Variants in CCDC171 observed in about 807,000 individuals in gnomAD.
CCDC171 encodes the protein coiled-coil domain containing 171.
In CCDC171, 177 loss-of-function variants were observed where a neutral mutation model predicts 168.2. That is an observed-to-expected ratio of 1.05 (90% CI 0.93 to 1.19). CCDC171 has a LOEUF of 1.19. Among genes scored for constraint, CCDC171 ranks in the 50% most tolerant of loss-of-function variants. The pLI is 0.00. For missense variants in CCDC171, 1,991 were observed against 1,539.0 expected (o/e 1.29, Z -4.91); for synonymous variants, 687 against 540.8 (o/e 1.27, Z -3.75).
At position 15,723,549 on chromosome 9, in the gene CCDC171, T is replaced by A. The variant is rs10810436; in HGVS notation, c.1426-132T>A. The A allele has an allele frequency of 9.9e-5, 63 of 638,628 alleles. 1 individual carries two copies. The South Asian group carries it at 1.2e-3, about 12-fold the overall frequency. The allele number at this position is 638,628 out of a possible 1,614,324, so 39.6% of individuals were successfully genotyped here. On this transcript the variant is annotated intron_variant, in intron 12 of 25. Transcript: ENST00000380701. ...ATTTTTTAAAGACTCTTAATTACTA[T>A]TGAAAAATTTGTATTTAAGTAATTG...
chr9:16,035,056 C>T (rs1016464038), intron 6 of CCDC171, among the ~76,000 whole-genome samples: 22 of 152,130 alleles, frequency 1.4e-4, no homozygotes, highest in African/African-American at 3.9e-4. Context: ...AGGGCTGAAT[C>T]GAATAAATTA....
intron 7 of CCDC171, among the ~76,000 whole-genome samples, chr9:15,629,187 CTT>C (rs931468095): frequency 8.5e-5 from 13 of 152,136 alleles, no homozygotes; most frequent in Non-Finnish European, 1.5e-4. Context: ...TGGAGAATGA[CTT>C]TGACGAGTTG....
intron 6 of CCDC171, among the ~76,000 whole-genome samples, chr9:16,027,603 A>G (rs1350568706): frequency 6.6e-6 from 1 of 152,226 alleles, no homozygotes; most frequent in Non-Finnish European, 1.5e-5. Flanking sequence ...TTGAGTTTTC[A>G]GGACTGAGTA....
At chr9:15,605,020 T>C (rs2043119295) in intron 6 of CCDC171, among the ~76,000 whole-genome samples, 2 of 152,236 alleles carry the variant, frequency 1.3e-5, no homozygotes, top group South Asian at 4.2e-4. Flanking sequence ...CTCAGCCTCC[T>C]TTGTATCTGG....
chr9:15,676,138 G>T (rs1472743178), intron 9 of CCDC171, among the ~76,000 whole-genome samples: 1 of 151,962 alleles, frequency 6.6e-6, no homozygotes, highest in Non-Finnish European at 1.5e-5. Context: ...TTCAGTCACT[G>T]ATATCCTTTC....
chr9:15,814,538 TAA>T (rs1392988696), intron 21 of CCDC171, among the ~76,000 whole-genome samples: 1 of 152,196 alleles, frequency 6.6e-6, no homozygotes, highest in Non-Finnish European at 1.5e-5. Flanking sequence ...CTCTGCTTAC[TAA>T]GTTTGAGATT....
intron 4 of CCDC171, among the ~76,000 whole-genome samples, chr9:15,582,255 G>A (rs895630294): frequency 3.9e-5 from 6 of 152,128 alleles, no homozygotes; most frequent in African/African-American, 1.4e-4. Context: ...TTAGAATGGG[G>A]TTCATTAAAA....
chr9:15,983,815 A>AGTGT (rs563329483), intron 3 of CCDC171, among the ~76,000 whole-genome samples: 7,594 of 124,262 alleles, frequency 0.061, 324 homozygotes, highest in African/African-American at 0.086. Flanking sequence ...CTAAATAAAG[A>AGTGT]GAGTGTGTGT....
At chr9:15,904,617 C>T (rs144198031) in intron 24 of CCDC171, among the ~76,000 whole-genome samples, 2,374 of 152,232 alleles carry the variant, frequency 0.016, 59 homozygotes, top group African/African-American at 0.052. Context: ...CATCAACTAA[C>T]GAGCAAAATA....
chr9:16,035,310 T>G (rs1394763467), intron 6 of CCDC171: 3 of 152,202 alleles, frequency 2.0e-5, no homozygotes, highest in African/African-American at 4.8e-5. Context: ...TATAAAAAAC[T>G]AACACAGTGG....
At chr9:15,588,054 G>T (rs1033694623) in intron 4 of CCDC171, among the ~76,000 whole-genome samples, 2 of 152,024 alleles carry the variant, frequency 1.3e-5, no homozygotes, top group Non-Finnish European at 2.9e-5. Flanking sequence ...GACTGATATG[G>T]TGAAACCCTG....
chr9:15,941,628 A>T (rs1238520258), intron 25 of CCDC171, among the ~76,000 whole-genome samples: 1 of 151,984 alleles, frequency 6.6e-6, no homozygotes, highest in Non-Finnish European at 1.5e-5. Flanking sequence ...AGAAGAGAGA[A>T]TTGTGATAAC....
intron 21 of CCDC171, among the ~76,000 whole-genome samples, chr9:15,835,414 G>A (rs1482461735): frequency 6.6e-6 from 1 of 152,112 alleles, no homozygotes; most frequent in African/African-American, 2.4e-5. Context: ...TTGAGCTTAT[G>A]AAGATTGTAT....
intron 10 of CCDC171, among the ~76,000 whole-genome samples, chr9:15,693,473 CAA>C (rs59900551): frequency 0.51 from 71,328 of 141,158 alleles, 17,209 homozygotes; most frequent in East Asian, 0.77. Flanking sequence ...CTGGTGAGGA[CAA>C]AAAAAAAAAA....
At chr9:15,810,101 G>A (rs1203542220) in intron 21 of CCDC171, among the ~76,000 whole-genome samples, 3 of 152,038 alleles carry the variant, frequency 2.0e-5, no homozygotes, top group African/African-American at 7.3e-5. Context: ...GTGCTGATTG[G>A]TGCATTTACA....
At chr9:15,573,592 A>C (rs564748391) in intron 3 of CCDC171, among the ~76,000 whole-genome samples, 1 of 152,014 alleles carries the variant, frequency 6.6e-6, no homozygotes, top group South Asian at 2.1e-4. Flanking sequence ...CAATTGAGGT[A>C]ATTTTTAAGT....
chr9:15,930,922 G>A (rs1403790831), intron 25 of CCDC171, among the ~76,000 whole-genome samples: 1 of 151,666 alleles, frequency 6.6e-6, no homozygotes, highest in Non-Finnish European at 1.5e-5. Flanking sequence ...AGGGTAGTTA[G>A]TGTATCCATA....
rs200550979 is a variant in CCDC171, at chr9:15,649,179, A to T, written c.823-7948A>T. Among the ~76,000 whole-genome samples the T allele has an allele frequency of 9.2e-5, 14 of 152,330 alleles. No individual in the cohort carries two copies. The East Asian group carries it at 2.7e-3, about 29-fold the overall frequency. On this transcript the variant is annotated intron_variant, in intron 7 of 25. Coordinates refer to ENST00000380701, the MANE Select transcript of CCDC171 (RefSeq NM_173550.4). ...TCCCTATTTAATAAATGGTGCTGGG[A>T]AAACTGGCTAGCCATATGTAGAAAG...
intron 21 of CCDC171, among the ~76,000 whole-genome samples, chr9:15,800,830 T>C (rs566103583): frequency 6.6e-6 from 1 of 151,988 alleles, no homozygotes; most frequent in East Asian, 1.9e-4. Context: ...CTTCTGCATA[T>C]GGATGTTCAA....
Sources: allele counts gnomAD v4.1 joint callset (sites outside exome capture counted in the v4.1 genomes callset), GRCh38; gene constraint gnomAD v4.1.1; transcripts MANE v1.5; gene names NCBI Gene and HGNC (gene_info 2026-07-23, HGNC 2026-07-21).